ABI3BP: variants seen among roughly 807,000 people sequenced by gnomAD.
ABI3BP encodes the protein target of Nesh-SH3.
Under a neutral mutation model 268.6 loss-of-function variants are expected in ABI3BP, and 216 were observed. The observed-to-expected ratio is 0.80, with a 90% CI of 0.72 to 0.90. The LOEUF is 0.90. ABI3BP is among the 40% of genes least tolerant of loss of function. The pLI is 0.00. For synonymous variants in ABI3BP, 730 were observed against 730.0 expected (o/e 1.00, Z 0.00); for missense variants, 2,090 against 2,182.4 (o/e 0.96, Z 0.84).
At chr3:100,915,479 G>T (rs2058308519) in intron 2 of ABI3BP, among the ~76,000 whole-genome samples, 1 of 152,162 alleles carries the variant, frequency 6.6e-6, no homozygotes, top group African/African-American at 2.4e-5. Context: ...TGGAGGTGGA[G>T]GGCAGCTGAA....
chr3:100,836,808 T>C (rs1006316880), intron 27 of ABI3BP, among the ~76,000 whole-genome samples: 5 of 152,146 alleles, frequency 3.3e-5, no homozygotes, highest in Non-Finnish European at 1.5e-5. Context: ...CCATAAATTG[T>C]ACCCACAAAG....
intron 39 of ABI3BP, 67 bp downstream of exon 39, chr3:100,820,987 A>G (rs1197930163): frequency 7.8e-7 from 1 of 1,286,324 alleles, no homozygotes; most frequent in Admixed American, 2.0e-5. Context: ...ATCTGCGGCT[A>G]TGATGATGGA....
At chr3:100,985,931 C>T (rs561027981) in intron 1 of ABI3BP, among the ~76,000 whole-genome samples, 2 of 152,296 alleles carry the variant, frequency 1.3e-5, no homozygotes, top group East Asian at 3.9e-4. Context: ...TCACTTGCTA[C>T]CAGCCATTGA....
At chr3:100,814,531 T>G (rs563555109) in intron 44 of ABI3BP, among the ~76,000 whole-genome samples, 1 of 152,224 alleles carries the variant, frequency 6.6e-6, no homozygotes, top group African/African-American at 2.4e-5. Context: ...CCTGTAAATA[T>G]TTTGTTTTTA....
chr3:100,875,707 T>C, intron 7 of ABI3BP, 128 bp from the exon 8 acceptor site: 1 of 675,294 alleles, frequency 1.5e-6, no homozygotes, highest in Admixed American at 2.3e-5. Flanking sequence ...AGCAACTCAG[T>C]GGCCTGGCTA....
At chr3:100,790,699 GATT>G (rs2097175308) in intron 55 of ABI3BP, among the ~76,000 whole-genome samples, 1 of 151,926 alleles carries the variant, frequency 6.6e-6, no homozygotes, top group Non-Finnish European at 1.5e-5. Flanking sequence ...AGTGCCTGAT[GATT>G]ATTTGCAATT....
At chr3:100,945,639 C>A (rs1335197300) in intron 1 of ABI3BP, 2 of 450,596 alleles carry the variant, frequency 4.4e-6, no homozygotes, top group South Asian at 3.2e-5. Flanking sequence ...TGAGACTCAT[C>A]CATCCATGCT....
In ABI3BP at chr3:100,774,995, C is replaced by T. The variant is rs544010749; in HGVS notation, c.4462+212G>A. ...TAGATCTTTTTATGAACCAAAGTTA[C>T]GCAGTTTCTTCTATGTCTGCTAAGG... On this transcript the variant is annotated intron_variant, in intron 60 of 67. Coordinates refer to ENST00000471714, the MANE Select transcript of ABI3BP (RefSeq NM_001375547.2). Among the ~76,000 whole-genome samples, 9 of 152,186 alleles carry T rather than the reference C, an allele frequency of 5.9e-5. No homozygotes were observed. In the East Asian group the frequency reaches 7.7e-4, roughly 13 times the overall value.
At chr3:100,778,722 A>G (rs2096783679) in intron 58 of ABI3BP, 1 of 221,184 alleles carries the variant, frequency 4.5e-6, no homozygotes, top group African/African-American at 2.3e-5. Context: ...ATAACAATAC[A>G]ACAACAGCAA....
intron 62 of ABI3BP, among the ~76,000 whole-genome samples, chr3:100,767,048 C>T (rs1396985412): frequency 4.6e-5 from 7 of 152,214 alleles, no homozygotes; most frequent in East Asian, 1.9e-4. Flanking sequence ...CTGCAACCTC[C>T]GCCTCCCGGG....
At chr3:100,858,580 G>A (rs1366350993) in intron 14 of ABI3BP, among the ~76,000 whole-genome samples, 7 of 152,132 alleles carry the variant, frequency 4.6e-5, no homozygotes, top group African/African-American at 1.7e-4. Flanking sequence ...AGAATATGTT[G>A]AAAACAGATC....
At chr3:100,824,976 CT>C in intron 35 of ABI3BP, 35 bp from the exon 36 acceptor site, 1 of 1,506,152 alleles carries the variant, frequency 6.6e-7, no homozygotes, top group South Asian at 1.2e-5. Context: ...TACTCTAGGT[CT>C]TATGATTCTG....
chr3:100,821,224 A>G, intron 38 of ABI3BP, 111 bp from the exon 39 acceptor site: 1 of 910,280 alleles, frequency 1.1e-6, no homozygotes, highest in Non-Finnish European at 1.6e-6. Flanking sequence ...AGAATTATAT[A>G]GCAACCTTTA....
intron 2 of ABI3BP, 135 bp from the exon 3 acceptor site, chr3:100,902,821 A>T (rs2051102485): frequency 6.2e-6 from 4 of 649,956 alleles, no homozygotes; most frequent in South Asian, 2.1e-5. Flanking sequence ...GGACCCAATA[A>T]TCCGAAAAGT....
chr3:100,843,608 G>A (rs1167489153), intron 20 of ABI3BP: 9 of 984,004 alleles, frequency 9.1e-6, no homozygotes, highest in African/African-American at 7.0e-5. Context: ...TGGAGAGAGA[G>A]AGGAGAGTAT....
rs1354342406 is a variant in ABI3BP at position 100,808,014 on chromosome 3, A to G, written c.3682+147T>C. ...ACTTTTTTAGTAAGTCCAAAAAGAA[A>G]TTTAAATATTTATTAGGTTACAGAG... is the stretch of plus-strand genomic sequence containing the variant. On this transcript the variant is annotated intron_variant, in intron 50 of 67. Transcript: ENST00000471714. 3 of 701,596 alleles carry G rather than the reference A, an allele frequency of 4.3e-6. No homozygotes were observed. The African/African-American group carries it at 5.5e-5, about 13-fold the overall frequency. 43.5% of individuals were successfully genotyped at this position (701,596 alleles called of 1,614,324 possible).
intron 31 of ABI3BP, among the ~76,000 whole-genome samples, chr3:100,831,276 C>T (rs1451591716): frequency 3.3e-5 from 5 of 151,896 alleles, no homozygotes; most frequent in Admixed American, 2.0e-4. Context: ...GAGAGAGAGA[C>T]AGGGAGGGAA....
intron 63 of ABI3BP, among the ~76,000 whole-genome samples, chr3:100,756,517 T>C (rs151216835): frequency 1.4e-4 from 22 of 152,272 alleles, no homozygotes; most frequent in African/African-American, 4.8e-4. Context: ...ATTAAATTTT[T>C]GCTAAGAGGC....
intron 51 of ABI3BP, among the ~76,000 whole-genome samples, chr3:100,800,831 C>A (rs2097514945): frequency 6.6e-6 from 1 of 152,190 alleles, no homozygotes; most frequent in Non-Finnish European, 1.5e-5. Flanking sequence ...TCATCAATAG[C>A]TACTTGCCTA....
Sources: allele counts gnomAD v4.1 joint callset (sites outside exome capture counted in the v4.1 genomes callset), GRCh38; gene constraint gnomAD v4.1.1; transcripts MANE v1.5; gene names NCBI Gene and HGNC (gene_info 2026-07-23, HGNC 2026-07-21).